The following CFAP46 variants were observed in gnomAD, a reference collection of about 807,000 sequenced individuals.
CFAP46 encodes cilia and flagella associated protein 46, also known as cilia- and flagella-associated protein 46.
Under a neutral mutation model 325.7 loss-of-function variants are expected in CFAP46, and 245 were observed. The observed-to-expected ratio is 0.75, with a 90% confidence interval of 0.68 to 0.84. The LOEUF is 0.84. CFAP46 is among the 40% of genes least tolerant of loss of function. CFAP46 has a pLI of 0.00. For missense variants in CFAP46, 3,346 were observed against 3,543.0 expected (o/e 0.94, Z 1.41); for synonymous variants, 1,523 against 1,495.9 (o/e 1.02, Z -0.42).
At position 132,869,564 on chromosome 10, in the gene CFAP46, T is replaced by C. The variant is rs1013278971; in HGVS notation, c.4512-192A>G. 2.0e-5 allele frequency among the ~76,000 whole-genome samples: 3 copies of C among 152,170 alleles called. No homozygotes were observed. Among genetic ancestry groups the C allele is most frequent in the African/African-American group, 7.2e-5 (3 of 41,438 alleles). ...CCCGGTAGCTCCATCAAATTTCAAG[T>C]GGGATTCTTCTCCCGCTCCTTCACA... is the stretch of plus-strand genomic sequence containing the variant. On this transcript the variant is annotated intron_variant, in intron 32 of 57. Transcript: ENST00000368586. This position sits in a 1 kb window ranked among gnomAD's most constrained non-coding sequence, Gnocchi z 6.2.
chr10:132,837,219 A>C (rs1848266650), intron 44 of CFAP46: 1 of 404,576 alleles, frequency 2.5e-6, no homozygotes, highest in Non-Finnish European at 4.5e-6. Context: ...CAAAATAACA[A>C]ATGGAAAATT....
chr10:132,837,449 G>A (rs558791599), intron 44 of CFAP46, among the ~76,000 whole-genome samples: 30 of 148,736 alleles, frequency 2.0e-4, no homozygotes, highest in African/African-American at 6.8e-4. Context: ...GTGCATAGAC[G>A]TGCTCACGCG....
intron 48 of CFAP46, 28 bp downstream of exon 48, chr10:132,834,626 G>C (rs1286159748): frequency 6.2e-7 from 1 of 1,610,698 alleles, no homozygotes; most frequent in East Asian, 2.2e-5. Flanking sequence ...GCGTGGTGGG[G>C]TGCCAGCCTC....
In CFAP46 at chr10:132,832,798, ACTGT is replaced by A; in HGVS notation, c.7117+556_7117+559del. 1 of 470,984 alleles carries A rather than the reference ACTGT, an allele frequency of 2.1e-6. No homozygotes were observed. The highest frequency in any genetic ancestry group is 4.4e-6 in the Non-Finnish European group (1 of 227,050). The allele number at this position is 470,984 out of a possible 1,614,324, so 29.2% of individuals were successfully genotyped here. A position where few individuals can be genotyped will look rare whatever the true frequency, so the allele number is the denominator to read the frequency against. On this transcript the variant is annotated intron_variant, in intron 50 of 57. Transcript: ENST00000368586. The surrounding 1 kb of genome is among the most constrained non-coding windows in gnomAD (Gnocchi z 4.1). ...TTCCGCGCGCTCCCTCGTGCTTTTC[ACTGT>A]CTGAGTGATTAACGGAGAGGCTGGC... is the stretch of plus-strand genomic sequence containing the variant.
intron 25 of CFAP46, among the ~76,000 whole-genome samples, chr10:132,891,256 T>A (rs929495458): frequency 6.6e-6 from 1 of 152,156 alleles, no homozygotes; most frequent in African/African-American, 2.4e-5. Context: ...CCCAACCGAC[T>A]GAATGGGCCC....
rs1465771740 is a variant in CFAP46, at chr10:132,808,926, C to T, written c.7665-22G>A. On this transcript the variant is annotated intron_variant, in intron 57 of 57. Transcript: ENST00000368586. The surrounding 1 kb of genome is among the most constrained non-coding windows in gnomAD (Gnocchi z 6.8). ...TCGTCTGTGGAGAAAGGGGCGGGAG[C>T]TATGAACCCCGAGGCCCCGCAGGAC... 1.3e-6 allele frequency: 2 copies of T among 1,549,492 alleles called. No individual in the cohort carries two copies. Among genetic ancestry groups the T allele is most frequent in the Non-Finnish European group, 1.7e-6 (2 of 1,143,546 alleles).
At chr10:132,824,208 T>G (rs1847976348) in intron 50 of CFAP46, among the ~76,000 whole-genome samples, 1 of 142,316 alleles carries the variant, frequency 7.0e-6, no homozygotes, top group Admixed American at 7.0e-5. Flanking sequence ...TGCTGATGTG[T>G]GCTGTGTGTG....
intron 13 of CFAP46, 114 bp from the exon 14 acceptor site, chr10:132,920,296 G>T: frequency 7.7e-7 from 1 of 1,298,524 alleles, no homozygotes; most frequent in Non-Finnish European, 1.0e-6. Flanking sequence ...ACAGGTAGCG[G>T]CTCCAGGGGC....
intron 26 of CFAP46, 139 bp downstream of exon 26, chr10:132,885,682 A>AC (rs1849112436): frequency 5.1e-6 from 4 of 790,212 alleles, no homozygotes; most frequent in South Asian, 1.8e-5. Context: ...GGGGGAGCAC[A>AC]CTCCGGTGGG....
chr10:132,871,621 A>C (rs1848896858), intron 32 of CFAP46, among the ~76,000 whole-genome samples: 1 of 152,228 alleles, frequency 6.6e-6, no homozygotes, highest in South Asian at 2.1e-4. Flanking sequence ...ATAGCAAGAG[A>C]AGTAGAATCA....
intron 35 of CFAP46, among the ~76,000 whole-genome samples, chr10:132,862,656 C>T (rs1031519700): frequency 5.3e-5 from 8 of 151,758 alleles, no homozygotes; most frequent in African/African-American, 9.7e-5. Context: ...GTCAGACCCC[C>T]GAGAGACAAG....
chr10:132,834,121 A>C lies in CFAP46; in HGVS notation c.6869T>G (p.Val2290Gly). ...FPLLSLSKAR[V>G]QTPAVVADSG... ...ATCGGCAACAACCGCAGGTGTCTGC[A>C]CTCTGAAAGTCAGGTTATATATTCG... The change falls in exon 49 of 58, where the codon GTG (valine) becomes GGG (glycine). Residue 2290 changes from valine to glycine, a missense_variant and splice_region_variant. By Grantham distance (109) the Val-to-Gly change is moderately radical. Coordinates refer to ENST00000368586, the MANE Select transcript of CFAP46 (RefSeq NM_001200049.3). The C allele has an allele frequency of 6.2e-7, 1 of 1,613,958 alleles. No homozygotes were observed. Among genetic ancestry groups the C allele is most frequent in the Non-Finnish European group, 8.5e-7 (1 of 1,179,914 alleles).
chr10:132,809,851 G>A (rs1847542326), intron 57 of CFAP46, among the ~76,000 whole-genome samples: 1 of 152,208 alleles, frequency 6.6e-6, no homozygotes, highest in Admixed American at 6.5e-5. Context: ...GAGAGGGACG[G>A]GCGCTGGATG....
intron 5 of CFAP46, 117 bp from the exon 6 acceptor site, chr10:132,937,792 G>A (rs181946508): frequency 7.2e-7 from 1 of 1,392,110 alleles, no homozygotes; most frequent in Non-Finnish European, 9.6e-7. Context: ...AAGCTACCCT[G>A]GGGTCAGCTT....
chr10:132,926,596 A>G lies in CFAP46; in HGVS notation c.1037T>C (p.Met346Thr), dbSNP rs1849815453. The part of the protein sequence containing the change: ...ESEALRLESK[M>T]KVYNRAAVEA... ...AACAGCCGCTCGGTTGTACACTTTC[A>G]TCTTACTTTCAAGTCTTAAAGCTTC... Residue 346 changes from methionine (M) to threonine (T), a missense_variant, in exon 10 of 58, where the codon ATG (methionine) becomes ACG (threonine). Transcript: ENST00000368586. The G allele has an allele frequency of 1.3e-6, 2 of 1,536,056 alleles. No individual in the cohort carries two copies. The highest frequency in any genetic ancestry group is 1.7e-6 in the Non-Finnish European group (2 of 1,146,914).
At chr10:132,846,529 C>T (rs1402206761) in intron 43 of CFAP46, among the ~76,000 whole-genome samples, 2 of 151,972 alleles carry the variant, frequency 1.3e-5, no homozygotes, top group African/African-American at 4.8e-5. Context: ...GGACAGGGAC[C>T]TGCTGGCCTG....
intron 28 of CFAP46, 32 bp downstream of exon 28, chr10:132,880,829 G>C (rs756216087): frequency 7.2e-6 from 11 of 1,534,374 alleles, no homozygotes; most frequent in South Asian, 2.4e-5. Flanking sequence ...GAGCGGCGTG[G>C]GGTCGGCACC....
rs1176898520 is a variant in CFAP46, at chr10:132,908,647, G to C, written c.2758-13C>G. 27 of 1,523,832 alleles carry C rather than the reference G, an allele frequency of 1.8e-5. No homozygotes were observed. Among genetic ancestry groups the C allele is most frequent in the Non-Finnish European group, 2.4e-5 (27 of 1,132,872 alleles). 94.4% of individuals were successfully genotyped at this position (1,523,832 alleles called of 1,614,324 possible). ...CCATTTTCACCAACTTCCGGTGGGT[G>C]GCAAGAGAAGGGGCACCGTGTTAGC... On this transcript the variant is annotated splice_polypyrimidine_tract_variant and intron_variant, in intron 21 of 57. Coordinates refer to ENST00000368586, the MANE Select transcript of CFAP46 (RefSeq NM_001200049.3).
At chr10:132,879,766 G>T in intron 28 of CFAP46, 135 bp from the exon 29 acceptor site, 1 of 892,482 alleles carries the variant, frequency 1.1e-6, no homozygotes, top group Non-Finnish European at 1.6e-6. Context: ...ACTCTGCTGA[G>T]GGCCGGCAGC....
Sources: allele counts gnomAD v4.1 joint callset (sites outside exome capture counted in the v4.1 genomes callset), GRCh38; gene constraint gnomAD v4.1.1; non-coding constraint Gnocchi (gnomAD v3.1); transcripts MANE v1.5; gene names NCBI Gene and HGNC (gene_info 2026-07-23, HGNC 2026-07-21).